SRPK2: variants seen among roughly 807,000 people sequenced by gnomAD.
SRPK2 encodes SFRS protein kinase 2.
Under a neutral mutation model 90.8 loss-of-function variants are expected in SRPK2, and 21 were observed. That is an observed-to-expected ratio of 0.23 (90% CI 0.16 to 0.33). The LOEUF (loss-of-function observed/expected upper bound fraction) is 0.33, where lower values mean the gene tolerates loss of function less well. Ranked by LOEUF, SRPK2 falls within the 10% of genes least tolerant of loss-of-function variation. SRPK2 has a pLI of 1.00. For missense variants in SRPK2, 620 were observed against 869.0 expected, an observed-to-expected ratio of 0.71 and a Z score of 3.60; for synonymous variants, 288 against 311.1, an observed-to-expected ratio of 0.93 and a Z score of 0.78.
At chr7:105,125,789 G>T (rs963949778) in intron 15 of SRPK2, 2 of 1,273,956 alleles carry the variant, frequency 1.6e-6, no homozygotes, top group East Asian at 1.1e-4. Context: ...TACCTTTTCT[G>T]GTGAAAAACT....
chr7:105,311,747 A>C (rs1297010467), intron 2 of SRPK2, among the ~76,000 whole-genome samples: 1 of 152,244 alleles, frequency 6.6e-6, no homozygotes, highest in African/African-American at 2.4e-5. Context: ...GTGATTATGT[A>C]AAATAGCTCA....
intron 2 of SRPK2, among the ~76,000 whole-genome samples, chr7:105,291,307 T>C (rs1038382215): frequency 2.0e-5 from 3 of 152,184 alleles, no homozygotes; most frequent in African/African-American, 7.2e-5. Context: ...GCCAAAGTAT[T>C]TTCACTCACC....
intron 2 of SRPK2, among the ~76,000 whole-genome samples, chr7:105,271,957 T>C (rs779990681): frequency 6.6e-6 from 1 of 152,346 alleles, no homozygotes; most frequent in Non-Finnish European, 1.5e-5. Flanking sequence ...CCAAAGTTTT[T>C]AAATTTTTCA....
intron 2 of SRPK2, among the ~76,000 whole-genome samples, chr7:105,385,671 C>T (rs371278957): frequency 8.5e-5 from 13 of 152,292 alleles, no homozygotes; most frequent in East Asian, 7.7e-4. Context: ...TGGATCTCCT[C>T]CTCATTCTCG....
Position 105,276,073 on chromosome 7 carries a change from G to GAT in SRPK2, c.72-72290_72-72289dup, listed in dbSNP as rs751200254. Among the ~76,000 whole-genome samples the GAT allele has an allele frequency of 1.4e-3, 195 of 137,634 alleles. 1 individual carries two copies. Among genetic ancestry groups the GAT allele is most frequent in the African/African-American group, 4.9e-3 (185 of 37,616 alleles). 90.3% of individuals were successfully genotyped at this position (137,634 alleles called of 152,430 possible). ...TTTTGTTTGGGGTGTACATGAGGAG[G>GAT]ATATATATATATTTTTTTTTTTTAG... is the stretch of plus-strand genomic sequence containing the variant. On this transcript the variant is annotated intron_variant, in intron 2 of 15. Coordinates refer to ENST00000393651, the MANE Select transcript of SRPK2 (RefSeq NM_182692.3).
chr7:105,333,170 A>C (rs191435712), intron 2 of SRPK2, among the ~76,000 whole-genome samples: 1 of 152,102 alleles, frequency 6.6e-6, no homozygotes, highest in East Asian at 1.9e-4. Flanking sequence ...CTCCAGCCTG[A>C]GCGACAGAGT....
At chr7:105,306,593 A>C (rs764715801) in intron 2 of SRPK2, 1 of 418,348 alleles carries the variant, frequency 2.4e-6, no homozygotes. Context: ...AAAAACAGTC[A>C]TGAAGAAAAA....
rs1364709257 is a variant in SRPK2 at position 105,126,980 on chromosome 7, C to T, written c.1822+13G>A. On this transcript the variant is annotated intron_variant, in intron 14 of 15. Coordinates refer to ENST00000393651, the MANE Select transcript of SRPK2 (RefSeq NM_182692.3). Reference sequence around the variant, plus strand: ...GACCTAGACCGAGGTATTCAGCAGGCACCAATACTCACCTTCGTCTCTGGA... The same window carrying T: ...GACCTAGACCGAGGTATTCAGCAGGTACCAATACTCACCTTCGTCTCTGGA... 1.2e-6 allele frequency: 2 copies of T among 1,613,906 alleles called. No individual in the cohort carries two copies. Among genetic ancestry groups the T allele is most frequent in the African/African-American group, 2.7e-5 (2 of 75,036 alleles).
At chr7:105,341,410 T>C (rs1048193115) in intron 2 of SRPK2, among the ~76,000 whole-genome samples, 4 of 146,702 alleles carry the variant, frequency 2.7e-5, no homozygotes. Context: ...GCATACCTCA[T>C]GCCTGTAATC....
chr7:105,143,182 G>A lies in SRPK2; in HGVS notation c.962C>T (p.Ala321Val), dbSNP rs1804050251. The change falls in exon 10 of 16, where the codon GCA (alanine) becomes GTA (valine). Residue 321 changes from alanine to valine, a missense_variant. Physicochemically the swap from Ala to Val is moderately conservative, Grantham distance 64. Transcript: ENST00000393651. ...TTCGCCATCCTGGTCATTGGAAGGT[G>A]CAGCTGAGGTGATGTTTTCTTCTAT... ...KIIEENITSA[A>V]PSNDQDGEYC... 27 of 1,614,212 alleles carry A rather than the reference G, an allele frequency of 1.7e-5. No homozygotes were observed. Among genetic ancestry groups the A allele is most frequent in the Non-Finnish European group, 2.1e-5 (25 of 1,180,034 alleles).
At chr7:105,279,122 G>C (rs1429379398) in intron 2 of SRPK2, among the ~76,000 whole-genome samples, 1 of 150,522 alleles carries the variant, frequency 6.6e-6, no homozygotes, top group East Asian at 2.0e-4. Flanking sequence ...TCCAAAGCAA[G>C]ATCATTTGTG....
chr7:105,247,871 C>G (rs75014178), intron 2 of SRPK2, among the ~76,000 whole-genome samples: 1 of 139,386 alleles, frequency 7.2e-6, no homozygotes, highest in East Asian at 2.1e-4. Context: ...CCTTAACAAT[C>G]TTTTTTTTTT....
intron 11 of SRPK2, among the ~76,000 whole-genome samples, chr7:105,135,765 A>ATTT (rs56208863): frequency 1.4e-5 from 2 of 141,670 alleles, no homozygotes; most frequent in Non-Finnish European, 3.1e-5. Flanking sequence ...AATGCAGGGA[A>ATTT]TTTTTTTTTT....
chr7:105,208,383 C>T (rs1373169375), intron 2 of SRPK2, among the ~76,000 whole-genome samples: 1 of 152,144 alleles, frequency 6.6e-6, no homozygotes, highest in Non-Finnish European at 1.5e-5. Flanking sequence ...AAAGCAGAAA[C>T]AACCCAAACG....
chr7:105,142,622 T>C (rs930823287), intron 10 of SRPK2, 132 bp from the exon 11 acceptor site: 55 of 1,271,800 alleles, frequency 4.3e-5, no homozygotes, highest in Admixed American at 1.3e-4. Context: ...CTCTTGGCTT[T>C]TGGGGTAAAA....
At chr7:105,321,783 A>G (rs968307375) in intron 2 of SRPK2, among the ~76,000 whole-genome samples, 2 of 152,208 alleles carry the variant, frequency 1.3e-5, no homozygotes, top group Admixed American at 6.5e-5. Context: ...AAAGTTAAAA[A>G]CAACAACAAC....
At chr7:105,324,835 C>G (rs1389829396) in intron 2 of SRPK2, among the ~76,000 whole-genome samples, 1 of 152,082 alleles carries the variant, frequency 6.6e-6, no homozygotes, top group African/African-American at 2.4e-5. Context: ...TGCAGTGAGT[C>G]AAGATTGCGC....
intron 15 of SRPK2, among the ~76,000 whole-genome samples, chr7:105,122,141 T>C (rs368201009): frequency 5.9e-5 from 9 of 152,226 alleles, no homozygotes; most frequent in African/African-American, 2.2e-4. Context: ...CTACCTCACA[T>C]CCCATACAAA....
chr7:105,397,978 G>A (rs568444607), intron 1 of SRPK2, among the ~76,000 whole-genome samples: 6 of 152,136 alleles, frequency 3.9e-5, no homozygotes, highest in Non-Finnish European at 8.8e-5. Context: ...GATAAATAAT[G>A]TAATGAGGAT....
Sources: gnomAD v4.1 joint callset for allele counts (sites outside exome capture counted in the v4.1 genomes callset) on GRCh38, gnomAD v4.1.1 for gene constraint, MANE v1.5 for transcripts, NCBI Gene and HGNC (gene_info 2026-07-23, HGNC 2026-07-21) for gene names.